Variants in RAI14 observed in about 807,000 individuals in gnomAD.
RAI14 encodes the protein ankycorbin.
In RAI14, 45 loss-of-function variants were observed where a neutral mutation model predicts 115.4. That is an observed-to-expected ratio of 0.39 (90% CI 0.31 to 0.50). RAI14 has a LOEUF of 0.50. RAI14 is among the 20% of genes least tolerant of loss of function. The pLI is 0.85. For missense variants in RAI14, 939 were observed against 1,131.2 expected, an observed-to-expected ratio of 0.83 and a Z score of 2.44; for synonymous variants, 371 against 415.4, an observed-to-expected ratio of 0.89 and a Z score of 1.30.
At chr5:34,796,155 G>A (rs554954529) in intron 4 of RAI14, 128 bp downstream of exon 4, 61 of 698,668 alleles carry the variant, frequency 8.7e-5, no homozygotes, top group Non-Finnish European at 1.3e-4. Flanking sequence ...AGCACTCTGC[G>A]AGGGTGAGGT....
chr5:34,748,595 T>G (rs998616906), intron 2 of RAI14, among the ~76,000 whole-genome samples: 4 of 152,198 alleles, frequency 2.6e-5, no homozygotes, highest in African/African-American at 9.7e-5. Flanking sequence ...CAATTCACCA[T>G]TTTGCTCACT....
chr5:34,659,153 G>C (rs375936102), intron 1 of RAI14: 1 of 152,302 alleles, frequency 6.6e-6, no homozygotes, highest in African/African-American at 2.4e-5. Context: ...CTATGTTTTT[G>C]AGATACATGT....
rs941461486 is a variant in RAI14 at position 34,731,045 on chromosome 5, T to G, written c.37-26423T>G. ...AAAAACAGAACAATTTATTGCCCCATAAGGCTACCTTTGATGTATCAGAGT... is the reference window on the plus strand; with the variant it reads ...AAAAACAGAACAATTTATTGCCCCAGAAGGCTACCTTTGATGTATCAGAGT... On this transcript the variant is annotated intron_variant, in intron 2 of 17. Coordinates refer to ENST00000265109, the MANE Select transcript of RAI14 (RefSeq NM_015577.3). 8.5e-5 allele frequency among the ~76,000 whole-genome samples: 13 copies of G among 152,124 alleles called. No individual in the cohort carries two copies. In the South Asian group the frequency reaches 2.7e-3, roughly 32 times the overall value.
intron 3 of RAI14, among the ~76,000 whole-genome samples, chr5:34,782,713 T>A (rs1751818055): frequency 6.6e-6 from 1 of 152,256 alleles, no homozygotes; most frequent in South Asian, 2.1e-4. Flanking sequence ...TATACCTCCA[T>A]GTTTCCAGAT....
chr5:34,738,951 G>T (rs1170736341), intron 2 of RAI14, among the ~76,000 whole-genome samples: 4 of 152,182 alleles, frequency 2.6e-5, no homozygotes, highest in African/African-American at 9.6e-5. Flanking sequence ...CTCTGGATAA[G>T]TATGGTGGCA....
chr5:34,752,870 C>A (rs1460345422), intron 2 of RAI14, among the ~76,000 whole-genome samples: 4 of 151,146 alleles, frequency 2.6e-5, no homozygotes, highest in Admixed American at 2.6e-4. Flanking sequence ...CGGGTTCAAA[C>A]GATTCTCCTG....
intron 10 of RAI14, among the ~76,000 whole-genome samples, chr5:34,812,822 CT>C (rs1755764430): frequency 1.3e-5 from 2 of 152,198 alleles, no homozygotes; most frequent in African/African-American, 4.8e-5. Context: ...AACTCTGTGA[CT>C]GAATAACACT....
At chr5:34,665,031 A>ATGTGTATATATATGTGTATATATATATG (rs371181547) in intron 1 of RAI14, among the ~76,000 whole-genome samples, 1 of 31,428 alleles carries the variant, frequency 3.2e-5, no homozygotes, top group Admixed American at 5.9e-4. Context: ...GTATATATAT[A>ATGTGTATATATATGTGTATATATATATG]TGTATATATA....
intron 4 of RAI14, among the ~76,000 whole-genome samples, chr5:34,802,637 A>G (rs1754408051): frequency 6.6e-6 from 1 of 152,210 alleles, no homozygotes; most frequent in African/African-American, 2.4e-5. Flanking sequence ...GGGAATCAAC[A>G]GGGGTGTCTG....
At chr5:34,676,272 G>A (rs180776203) in intron 1 of RAI14, among the ~76,000 whole-genome samples, 1 of 152,270 alleles carries the variant, frequency 6.6e-6, no homozygotes, top group East Asian at 1.9e-4. Context: ...TCAGTTGCTG[G>A]GCACTCTGTG....
At chr5:34,782,440 T>C (rs1262739396) in intron 3 of RAI14, among the ~76,000 whole-genome samples, 1 of 152,218 alleles carries the variant, frequency 6.6e-6, no homozygotes, top group African/African-American at 2.4e-5. Flanking sequence ...TTTTATGCAT[T>C]TTAATGGGTT....
chr5:34,658,329 T>C (rs773927309), intron 1 of RAI14, among the ~76,000 whole-genome samples: 1 of 152,186 alleles, frequency 6.6e-6, no homozygotes, highest in Non-Finnish European at 1.5e-5. Flanking sequence ...TTTCAAAGCA[T>C]GTTCTAGGCA....
At chr5:34,797,156 T>C (rs1283919936) in intron 4 of RAI14, among the ~76,000 whole-genome samples, 1 of 152,206 alleles carries the variant, frequency 6.6e-6, no homozygotes, top group East Asian at 1.9e-4. Context: ...TCGAGAATTT[T>C]TGGCTTCTAA....
At chr5:34,790,002 G>A (rs866717702) in intron 3 of RAI14, among the ~76,000 whole-genome samples, 1 of 152,164 alleles carries the variant, frequency 6.6e-6, no homozygotes, top group Non-Finnish European at 1.5e-5. Flanking sequence ...AAGCTATAAG[G>A]TTGGAAGCTT....
intron 11 of RAI14, among the ~76,000 whole-genome samples, chr5:34,814,073 A>G (rs1159961301): frequency 6.6e-6 from 1 of 152,216 alleles, no homozygotes; most frequent in African/African-American, 2.4e-5. Flanking sequence ...TTGCTGCAAT[A>G]CATTTGCCTT....
intron 2 of RAI14, among the ~76,000 whole-genome samples, chr5:34,735,467 G>A (rs1338635020): frequency 3.9e-5 from 6 of 152,088 alleles, no homozygotes; most frequent in South Asian, 2.1e-4. Flanking sequence ...GTCTCTGTAC[G>A]TAAAAGCTTT....
Position 34,799,529 on chromosome 5 carries a change from CACACACACACA to C in RAI14, c.256+3504_256+3514del, listed in dbSNP as rs1419267075. ...ACACACACACACACACACACACACACACACACACACAAAACCACCTTTCAAAATCTATTACA... is the reference window on the plus strand; with the variant it reads ...ACACACACACACACACACACACACACAAACCACCTTTCAAAATCTATTACA... On this transcript the variant is annotated intron_variant, in intron 4 of 17. Coordinates refer to ENST00000265109, the MANE Select transcript of RAI14 (RefSeq NM_015577.3). Among the ~76,000 whole-genome samples, 6 of 85,520 alleles carry C rather than the reference CACACACACACA, an allele frequency of 7.0e-5. No homozygotes were observed. The South Asian group carries it at 1.3e-3, about 18-fold the overall frequency. The allele number at this position is 85,520 out of a possible 152,430, so 56.1% of individuals were successfully genotyped here. A position where few individuals can be genotyped will look rare whatever the true frequency, so the allele number is the denominator to read the frequency against.
intron 2 of RAI14, among the ~76,000 whole-genome samples, chr5:34,730,509 C>T (rs1744041403): frequency 6.6e-6 from 1 of 151,914 alleles, no homozygotes; most frequent in African/African-American, 2.4e-5. Flanking sequence ...AACCCCGTCT[C>T]TACTAAAAAT....
At chr5:34,769,236 C>T (rs1749827540) in intron 3 of RAI14, among the ~76,000 whole-genome samples, 1 of 152,134 alleles carries the variant, frequency 6.6e-6, no homozygotes, top group East Asian at 1.9e-4. Context: ...TCTGCTACAT[C>T]AGTTCCTAAT....
Sources: allele counts gnomAD v4.1 joint callset (sites outside exome capture counted in the v4.1 genomes callset), GRCh38; gene constraint gnomAD v4.1.1; transcripts MANE v1.5; gene names NCBI Gene and HGNC (gene_info 2026-07-23, HGNC 2026-07-21).